Variants in ZNF528 observed in about 807,000 individuals in gnomAD.
The protein encoded by ZNF528 is zinc finger protein 528.
In ZNF528, 9 loss-of-function variants were observed where a neutral mutation model predicts 13.3. That is an observed-to-expected ratio of 0.67 (90% CI 0.41 to 1.18). The LOEUF (loss-of-function observed/expected upper bound fraction) is 1.18, where lower values mean the gene tolerates loss of function less well. Ranked by LOEUF, ZNF528 falls within the 50% of genes most tolerant of loss-of-function variation. The pLI is 0.01. For missense variants in ZNF528, 858 were observed against 745.4 expected, an observed-to-expected ratio of 1.15 and a Z score of -1.76; for synonymous variants, 264 against 254.3, an observed-to-expected ratio of 1.04 and a Z score of -0.36.
chr19:52,417,290 A>G lies in ZNF528; in HGVS notation c.*551A>G, dbSNP rs972138112. 27 of 256,112 alleles carry G rather than the reference A, an allele frequency of 1.1e-4. No homozygotes were observed. Among genetic ancestry groups the G allele is most frequent in the Non-Finnish European group, 2.0e-4 (27 of 131,858 alleles). The allele number at this position is 256,112 out of a possible 1,614,324, so 15.9% of individuals were successfully genotyped here. ...ATTAGCTGAGGATTATTTCTATCCA[A>G]TTTCCTGATGAAGGACATTGCCTTT... is the stretch of plus-strand genomic sequence containing the variant. On this transcript the variant is annotated 3_prime_UTR_variant, in exon 7 of 7. Coordinates refer to ENST00000360465, the MANE Select transcript of ZNF528 (RefSeq NM_032423.3).
chr19:52,415,080 C>T (rs1336697818), intron 6 of ZNF528, 44 bp from the exon 7 acceptor site: 2 of 1,611,516 alleles, frequency 1.2e-6, no homozygotes, highest in Non-Finnish European at 1.7e-6. Flanking sequence ...ACTAAAGATG[C>T]CATTATCATG....
rs2059000584 is a variant in ZNF528, at chr19:52,416,150, A to T, written c.1298A>T (p.Asp433Val). 2 of 1,613,830 alleles carry T rather than the reference A, an allele frequency of 1.2e-6. No homozygotes were observed. The highest frequency in any genetic ancestry group is 2.7e-5 in the African/African-American group (2 of 74,894). The change falls in exon 7 of 7, where the codon GAT becomes GTT. Residue 433 changes from aspartate to valine, a missense_variant. Transcript: ENST00000360465. ...ATACGACATCGAAAAACTCATACTG[A>T]TGAGAAGCCTTACAAATGTAATAAA... is the stretch of plus-strand genomic sequence containing the variant. Reference protein sequence around the residue: ...DLIRHRKTHTDEKPYKCNKCG... With the variant: ...DLIRHRKTHTVEKPYKCNKCG...
Position 52,416,191 on chromosome 19 carries a change from A to G in ZNF528, c.1339A>G (p.Arg447Gly). 1 of 1,613,906 alleles carries G rather than the reference A, an allele frequency of 6.2e-7. No homozygotes were observed. Among genetic ancestry groups the G allele is most frequent in the Non-Finnish European group, 8.5e-7 (1 of 1,179,904 alleles). ...YKCNKCGTAF[R>G]EFSDLTAHFL... ...ATGTAATAAATGTGGCACAGCGTTT[A>G]GAGAGTTTTCAGACCTTACTGCCCA... Residue 447 changes from arginine (R) to glycine (G), a missense_variant, in exon 7 of 7, where the codon AGA (arginine) becomes GGA (glycine). Transcript: ENST00000360465.
At chr19:52,405,298 A>C (rs1464245804) in intron 4 of ZNF528, among the ~76,000 whole-genome samples, 1 of 152,016 alleles carries the variant, frequency 6.6e-6, no homozygotes, top group African/African-American at 2.4e-5. Flanking sequence ...TGGGAGGCCA[A>C]GGTGGGAGGA....
Position 52,406,122 on chromosome 19 carries a change from C to G in ZNF528, c.142+89C>G, listed in dbSNP as rs568296092. 8.1e-5 allele frequency: 118 copies of G among 1,448,408 alleles called. No homozygotes were observed. In the African/African-American group the frequency reaches 1.4e-3, roughly 17 times the overall value. 89.7% of individuals were successfully genotyped at this position (1,448,408 alleles called of 1,614,324 possible). On this transcript the variant is annotated intron_variant, in intron 5 of 6. Coordinates refer to ENST00000360465, the MANE Select transcript of ZNF528 (RefSeq NM_032423.3). ...ATGCCTCTTGGGAGCTCCTGCATTG[C>G]TTGCCTGAGATTGAAACCATGTTGA...
intron 6 of ZNF528, chr19:52,413,764 A>G (rs2058962453): frequency 6.6e-6 from 1 of 152,544 alleles, no homozygotes; most frequent in Non-Finnish European, 1.5e-5. Flanking sequence ...AGATTTTTAG[A>G]CTCAGCCTGC....
rs1027292270 is a variant in ZNF528, at chr19:52,415,868, A to G, written c.1016A>G (p.Tyr339Cys). The change falls in exon 7 of 7, where the codon TAT (tyrosine) becomes TGT (cysteine). Residue 339 changes from tyrosine to cysteine, a missense_variant. By Grantham distance (194) the Tyr-to-Cys change is radical (BLOSUM62 -2). Coordinates refer to ENST00000360465, the MANE Select transcript of ZNF528 (RefSeq NM_032423.3). ...KCGKVFSRHS[Y>C]LAEHQTVHTG... is the part of the protein sequence containing the mutation. ...GGCAAGGTCTTTAGTCGCCATTCAT[A>G]TCTAGCAGAACATCAAACGGTTCAT... 1.9e-6 allele frequency: 3 copies of G among 1,613,980 alleles called. No homozygotes were observed. The highest frequency in any genetic ancestry group is 2.5e-6 in the Non-Finnish European group (3 of 1,179,940).
chr19:52,407,491 T>C (rs892557259), intron 6 of ZNF528, among the ~76,000 whole-genome samples: 1 of 152,030 alleles, frequency 6.6e-6, no homozygotes, highest in African/African-American at 2.4e-5. Context: ...TTTTTATTCT[T>C]TTGGCTGGGC....
chr19:52,406,789 G>A (rs2122541988), intron 6 of ZNF528, 146 bp downstream of exon 6: 19 of 1,112,952 alleles, frequency 1.7e-5, no homozygotes, highest in Middle Eastern at 5.8e-4. Context: ...TCCCTGGCTC[G>A]CTCTTCCAAA....
intron 6 of ZNF528, among the ~76,000 whole-genome samples, chr19:52,411,072 A>G (rs1322433770): frequency 1.3e-5 from 2 of 152,184 alleles, no homozygotes; most frequent in African/African-American, 4.8e-5. Flanking sequence ...CTTGCTTTAC[A>G]TCTCTGAGTA....
Position 52,406,526 on chromosome 19 carries a change from C to T in ZNF528, c.154C>T (p.Pro52Ser). Residue 52 changes from proline to serine, a missense_variant, in exon 6 of 7, where the codon CCT becomes TCT. Pro to Ser is a moderately conservative substitution (Grantham distance 74, BLOSUM62 -1). Coordinates refer to ENST00000360465, the MANE Select transcript of ZNF528 (RefSeq NM_032423.3). ...RNLVSLGICL[P>S]DLSVTSMLEQ... ...TCTTTTATAAATAGGAATCTGTCTT[C>T]CTGACCTGAGTGTTACCTCCATGTT... 1 of 1,613,730 alleles carries T rather than the reference C, an allele frequency of 6.2e-7. No homozygotes were observed. The highest frequency in any genetic ancestry group is 8.5e-7 in the Non-Finnish European group (1 of 1,179,896).
rs896725709 is a variant in ZNF528 at position 52,417,153 on chromosome 19, T to C, written c.*414T>C. The C allele has an allele frequency of 2.1e-5, 5 of 239,290 alleles. No homozygotes were observed. Among genetic ancestry groups the C allele is most frequent in the African/African-American group, 9.3e-5 (4 of 43,172 alleles). 14.8% of individuals were successfully genotyped at this position (239,290 alleles called of 1,614,324 possible). On this transcript the variant is annotated 3_prime_UTR_variant, in exon 7 of 7. Transcript: ENST00000360465. The stretch of plus-strand genomic sequence containing the variant: ...AAAGCATTCAATTATTTGGGGCTTA[T>C]AGAAAAGGCTACTTTACTCTTTGTG...
intron 2 of ZNF528, among the ~76,000 whole-genome samples, chr19:52,400,334 A>G (rs1012996883): frequency 5.3e-5 from 8 of 152,008 alleles, no homozygotes; most frequent in Non-Finnish European, 1.0e-4. Context: ...TTTACTTGCA[A>G]TAAGTATGCC....
At position 52,416,214 on chromosome 19, in the gene ZNF528, C is replaced by G. The variant is rs752189924; in HGVS notation, c.1362C>G (p.Ala454=). 5.0e-6 allele frequency: 8 copies of G among 1,612,840 alleles called. No individual in the cohort carries two copies. The Admixed American group carries it at 6.7e-5, about 13-fold the overall frequency. Residue 454 remains alanine, a synonymous_variant, in exon 7 of 7, where the codon GCC becomes GCG. Coordinates refer to ENST00000360465, the MANE Select transcript of ZNF528 (RefSeq NM_032423.3). ...TAFREFSDLT[A]HFLIHSGEKP... ...TTAGAGAGTTTTCAGACCTTACTGCCCATTTTCTAATCCATAGTGGAGAGA... is the reference window on the plus strand; with the variant it reads ...TTAGAGAGTTTTCAGACCTTACTGCGCATTTTCTAATCCATAGTGGAGAGA...
At chr19:52,408,989 G>C (rs1267003574) in intron 6 of ZNF528, among the ~76,000 whole-genome samples, 3 of 152,140 alleles carry the variant, frequency 2.0e-5, no homozygotes, top group Non-Finnish European at 4.4e-5. Flanking sequence ...AACTTCCTCA[G>C]CTCTTCTTTA....
In ZNF528 at chr19:52,416,537, C is replaced by A; in HGVS notation, c.1685C>A (p.Ser562Ter). The A allele has an allele frequency of 6.2e-7, 1 of 1,614,192 alleles. No homozygotes were observed. The highest frequency in any genetic ancestry group is 8.5e-7 in the Non-Finnish European group (1 of 1,180,034). The change falls in exon 7 of 7, where the codon TCA becomes TAA. Residue 562 changes from serine to a stop codon, truncating the protein, a stop_gained. Coordinates refer to ENST00000360465, the MANE Select transcript of ZNF528 (RefSeq NM_032423.3). LOFTEE classifies it low-confidence loss of function (END_TRUNC). ...TGTGGCAAAGCATTTCGAGGGTGTT[C>A]AGGCCTTACTGCCCATCTTGCAATC... ...SKCGKAFRGC[S>*]GLTAHLAIHT...
At position 52,416,147 on chromosome 19, in the gene ZNF528, C is replaced by G; in HGVS notation, c.1295C>G (p.Thr432Ser). 6.2e-7 allele frequency: 1 copy of G among 1,614,042 alleles called. No homozygotes were observed. Among genetic ancestry groups the G allele is most frequent in the Non-Finnish European group, 8.5e-7 (1 of 1,180,016 alleles). Residue 432 changes from threonine to serine, a missense_variant, in exon 7 of 7, where the codon ACT (threonine) becomes AGT (serine). Transcript: ENST00000360465. ...SDLIRHRKTH[T>S]DEKPYKCNKC... ...CTTATACGACATCGAAAAACTCATA[C>G]TGATGAGAAGCCTTACAAATGTAAT...
intron 6 of ZNF528, chr19:52,414,851 G>T: frequency 9.0e-7 from 1 of 1,108,280 alleles, no homozygotes. Context: ...GCTCATCCCT[G>T]CTTCTTCCCA....
intron 6 of ZNF528, chr19:52,408,443 G>C (rs2058887564): frequency 6.6e-6 from 1 of 152,192 alleles, no homozygotes; most frequent in African/African-American, 2.4e-5. Flanking sequence ...TGGGATTACA[G>C]GTGTGCCACT....
Sources: allele counts gnomAD v4.1 joint callset (sites outside exome capture counted in the v4.1 genomes callset), GRCh38; gene constraint gnomAD v4.1.1; transcripts MANE v1.5; gene names NCBI Gene and HGNC (gene_info 2026-07-23, HGNC 2026-07-21).